ART3: variants seen among roughly 807,000 people sequenced by gnomAD.
The protein encoded by ART3 is ecto-ADP-ribosyltransferase 3.
A neutral mutation model predicts 48.5 loss-of-function variants in ART3; 49 were observed. That is an observed-to-expected ratio of 1.01 (90% confidence interval 0.80 to 1.28). ART3 has a LOEUF of 1.28. Among genes scored for constraint, ART3 ranks in the 50% most tolerant of loss-of-function variants. The probability of loss-of-function intolerance (pLI) is 0.00; values close to 1 mark genes in which losing one functional copy is unlikely to be tolerated. For synonymous variants in ART3, 145 were observed against 157.2 expected (o/e 0.92, Z 0.58); for missense variants, 438 against 454.3 (o/e 0.96, Z 0.33).
intron 8 of ART3, 46 bp downstream of exon 8, chr4:76,101,065 T>G (rs769841805): frequency 6.2e-7 from 1 of 1,605,530 alleles, no homozygotes; most frequent in Non-Finnish European, 8.5e-7. Context: ...TTGCAATATA[T>G]CTCCCTTTAC....
At chr4:76,095,718 G>T (rs1376288927) in intron 3 of ART3, among the ~76,000 whole-genome samples, 1 of 152,108 alleles carries the variant, frequency 6.6e-6, no homozygotes, top group African/African-American at 2.4e-5. Context: ...GAAGTATGTG[G>T]CTGGAAAACT....
In ART3 at chr4:76,075,791, A is replaced by G. The variant is rs557894113; in HGVS notation, c.-9-90A>G. The G allele has an allele frequency of 1.2e-4, 118 of 969,204 alleles. 1 individual carries two copies. The East Asian group carries it at 2.0e-3, about 17-fold the overall frequency. 60.0% of individuals were successfully genotyped at this position (969,204 alleles called of 1,614,324 possible). On this transcript the variant is annotated intron_variant, in intron 1 of 11. Coordinates refer to ENST00000355810, the MANE Select transcript of ART3 (RefSeq NM_001130016.3). ...CCATCATGCTATCCACTCACATTCT[A>G]AATGAAAAAATACGCAGTGTCATCC...
chr4:76,022,057 G>T, intron 1 of ART3: 1 of 1,039,890 alleles, frequency 9.6e-7, no homozygotes, highest in Non-Finnish European at 1.5e-6. Context: ...GAGCTTTCCT[G>T]CTGCTATGCA....
chr4:76,075,903 A>T lies in ART3; in HGVS notation c.14A>T (p.His5Leu). 6.2e-7 allele frequency: 1 copy of T among 1,612,344 alleles called. No individual in the cohort carries two copies. Among genetic ancestry groups the T allele is most frequent in the Non-Finnish European group, 8.5e-7 (1 of 1,179,152 alleles). The change falls in exon 2 of 12, where the codon CAT becomes CTT. Residue 5 changes from histidine (H) to leucine (L), a missense_variant. Around this residue, in one of 3 missense-constraint regions of ART3, gnomAD observed 206 missense variants for 205.3 expected, o/e 1.00. Transcript: ENST00000355810. ...TAGAAGAGAAAAATGAAGACGGGAC[A>T]TTTTGAAATAGTCACCATGCTGCTG... MKTGHFEIVTMLLAT... is the reference protein window; with the variant it reads MKTGLFEIVTMLLAT...
At chr4:76,019,417 T>C (rs1732557799) in intron 1 of ART3, among the ~76,000 whole-genome samples, 1 of 148,360 alleles carries the variant, frequency 6.7e-6, no homozygotes, top group Non-Finnish European at 1.5e-5. Context: ...ATTGTTTCTT[T>C]CTAGGAAGAT....
intron 1 of ART3, among the ~76,000 whole-genome samples, chr4:76,016,771 T>C (rs1448659026): frequency 6.6e-6 from 1 of 152,206 alleles, no homozygotes; most frequent in African/African-American, 2.4e-5. Flanking sequence ...GCGGCTAAGC[T>C]GGCACTCAAT....
chr4:76,081,117 T>C lies in ART3; in HGVS notation c.70-707T>C, dbSNP rs548198816. Among the ~76,000 whole-genome samples the C allele has an allele frequency of 7.4e-4, 112 of 152,354 alleles. 1 individual carries two copies. Among genetic ancestry groups the C allele is most frequent in the African/African-American group, 2.6e-3 (109 of 41,584 alleles). On this transcript the variant is annotated intron_variant, in intron 2 of 11. Coordinates refer to ENST00000355810, the MANE Select transcript of ART3 (RefSeq NM_001130016.3). The stretch of plus-strand genomic sequence containing the variant: ...GTACAGTTAGGCCCAGCGTCTAAAG[T>C]ATGTTTTCGGGTCCTCATCTCTACC...
chr4:76,102,750 C>T (rs893531587), intron 8 of ART3, among the ~76,000 whole-genome samples: 3 of 151,596 alleles, frequency 2.0e-5, no homozygotes, highest in East Asian at 1.9e-4. Context: ...AGAGTATTTC[C>T]GAGATCTGCA....
chr4:76,028,157 C>A (rs1348760832), intron 1 of ART3, among the ~76,000 whole-genome samples: 2 of 131,878 alleles, frequency 1.5e-5, no homozygotes, highest in African/African-American at 6.0e-5. Flanking sequence ...ATGTGATCAA[C>A]ATGGAAAATC....
In ART3 at chr4:76,103,890, TATAAG is replaced by T. The variant is rs545921655; in HGVS notation, c.938-42_938-38del. The T allele has an allele frequency of 7.1e-5, 109 of 1,544,420 alleles. 1 individual carries two copies. The African/African-American group carries it at 1.3e-3, about 18-fold the overall frequency. ...ATAGACAAAAGAAGAGTATTAACAG[TATAAG>T]ATAACTGATTAATACAAACCAATAT... is the stretch of plus-strand genomic sequence containing the variant. On this transcript the variant is annotated intron_variant, in intron 8 of 11. Transcript: ENST00000355810.
At chr4:76,091,236 C>A (rs1400323756) in intron 3 of ART3, among the ~76,000 whole-genome samples, 2 of 152,130 alleles carry the variant, frequency 1.3e-5, no homozygotes, top group African/African-American at 2.4e-5. Context: ...TGGACATATG[C>A]TTTCATTACA....
intron 9 of ART3, 45 bp downstream of exon 9, chr4:76,104,014 A>C (rs762980069): frequency 6.3e-7 from 1 of 1,580,264 alleles, no homozygotes; most frequent in Non-Finnish European, 8.7e-7. Flanking sequence ...GAATGAGTTG[A>C]GCAGGATTCC....
At chr4:76,035,107 T>C in intron 1 of ART3, 2 of 1,610,574 alleles carry the variant, frequency 1.2e-6, no homozygotes, top group Non-Finnish European at 1.7e-6. Flanking sequence ...CTTTATTTTC[T>C]TTCAGGGTAA....
intron 1 of ART3, among the ~76,000 whole-genome samples, chr4:76,043,660 C>A (rs1273383038): frequency 3.3e-5 from 5 of 151,962 alleles, no homozygotes; most frequent in Non-Finnish European, 1.5e-5. Context: ...TTCCCACTGG[C>A]GCCTGTCCCT....
intron 1 of ART3, among the ~76,000 whole-genome samples, chr4:76,017,412 C>T (rs1415731907): frequency 6.6e-6 from 1 of 151,900 alleles, no homozygotes; most frequent in East Asian, 1.9e-4. Flanking sequence ...ACTCTCTGCC[C>T]AGCACTCTAT....
chr4:76,035,818 T>G, intron 1 of ART3: 50 of 955,728 alleles, frequency 5.2e-5, no homozygotes, highest in Non-Finnish European at 7.1e-5. Context: ...TTCTAATCTG[T>G]GAGATTAAAT....
chr4:76,088,965 ATTG>A (rs1343225838), intron 3 of ART3, among the ~76,000 whole-genome samples: 1 of 152,174 alleles, frequency 6.6e-6, no homozygotes, highest in Non-Finnish European at 1.5e-5. Context: ...CTTTTTAGCA[ATTG>A]TTGTAATGAA....
chr4:76,056,999 T>C (rs1560602313), intron 1 of ART3, among the ~76,000 whole-genome samples: 1 of 151,994 alleles, frequency 6.6e-6, no homozygotes, highest in Non-Finnish European at 1.5e-5. Context: ...TAAAAAATAA[T>C]AGTGACACTT....
intron 5 of ART3, among the ~76,000 whole-genome samples, chr4:76,099,835 A>G (rs1578574675): frequency 6.6e-6 from 1 of 152,264 alleles, no homozygotes; most frequent in East Asian, 1.9e-4. Context: ...TTTGTTGAAA[A>G]GAGAAGAGGT....
Sources: allele counts gnomAD v4.1 joint callset (sites outside exome capture counted in the v4.1 genomes callset), GRCh38; gene constraint gnomAD v4.1.1; regional missense constraint gnomAD v4.1.1; transcripts MANE v1.5; gene names NCBI Gene and HGNC (gene_info 2026-07-23, HGNC 2026-07-21).